ODR4: variants seen among roughly 807,000 people sequenced by gnomAD.
ODR4 encodes the protein odr-4 GPCR localization factor homolog.
A neutral mutation model predicts 60.2 loss-of-function variants in ODR4; 47 were observed. The observed-to-expected ratio is 0.78, with a 90% CI of 0.62 to 1.00. The LOEUF is 1.00. ODR4 is among the 50% of genes least tolerant of loss of function. The pLI, the probability that ODR4 is intolerant of heterozygous loss-of-function variation, is 0.00. For synonymous variants in ODR4, 178 were observed against 175.5 expected (o/e 1.01, Z -0.11); for missense variants, 488 against 530.8 (o/e 0.92, Z 0.79).
At chr1:186,377,163 A>G (rs1328737217) in intron 1 of ODR4, among the ~76,000 whole-genome samples, 3 of 152,200 alleles carry the variant, frequency 2.0e-5, no homozygotes, top group Admixed American at 6.5e-5. Flanking sequence ...TGTAAATGCT[A>G]TAGTTGTTAT....
chr1:186,376,984 AG>A (rs1659800257), intron 1 of ODR4, among the ~76,000 whole-genome samples: 1 of 152,196 alleles, frequency 6.6e-6, no homozygotes, highest in African/African-American at 2.4e-5. Flanking sequence ...TGACCCTATA[AG>A]GCAAAATACA....
chr1:186,433,828 C>A, the ODR4 span, among the ~76,000 whole-genome samples: 1 of 152,164 alleles, frequency 6.6e-6, no homozygotes. Flanking sequence ...ATCCACCCAC[C>A]TCGGCCTCCC....
intron 5 of ODR4, among the ~76,000 whole-genome samples, chr1:186,389,182 G>A (rs1025566165): frequency 1.3e-5 from 2 of 150,750 alleles, no homozygotes; most frequent in African/African-American, 4.9e-5. Flanking sequence ...AAAATCTTTA[G>A]TATTTAACTG....
chr1:186,381,610 A>G (rs1473583783), intron 2 of ODR4, among the ~76,000 whole-genome samples: 1 of 152,144 alleles, frequency 6.6e-6, no homozygotes, highest in Non-Finnish European at 1.5e-5. Context: ...TACAGGCGTG[A>G]GCCACCGCGC....
the ODR4 span, among the ~76,000 whole-genome samples, chr1:186,429,797 C>A: frequency 6.6e-6 from 1 of 151,932 alleles, no homozygotes. Flanking sequence ...ATAATAAATA[C>A]CTGGTAAGTT....
rs544254438 is a variant in ODR4 at position 186,420,568 on chromosome 1, A to C, written c.*1492A>C. 60 of 152,344 alleles carry C rather than the reference A, an allele frequency of 3.9e-4. No individual in the cohort carries two copies. Among genetic ancestry groups the C allele is most frequent in the African/African-American group, 1.3e-3 (55 of 41,586 alleles). The allele number at this position is 152,344 out of a possible 1,614,324, so 9.4% of individuals were successfully genotyped here. A position where few individuals can be genotyped will look rare whatever the true frequency, so the allele number is the denominator to read the frequency against. Reference sequence around the variant, plus strand: ...GAAGTTGGAACCACAGGCAGATCTGAAAAAGAACCAAATAGAGCTCCTAAA... The same window carrying C: ...GAAGTTGGAACCACAGGCAGATCTGCAAAAGAACCAAATAGAGCTCCTAAA... On this transcript the variant is annotated 3_prime_UTR_variant, in exon 14 of 14. Coordinates refer to ENST00000287859, the MANE Select transcript of ODR4 (RefSeq NM_017847.6).
chr1:186,413,328 T>G (rs10911858), intron 12 of ODR4, among the ~76,000 whole-genome samples: 43,832 of 151,900 alleles, frequency 0.29, 6,881 homozygotes, highest in Admixed American at 0.38. Context: ...ACTTGTATGA[T>G]TTACCTGATT....
chr1:186,406,092 AAG>A lies in ODR4; in HGVS notation c.1013_1014del (p.Glu338ValfsTer21). The A allele has an allele frequency of 6.4e-7, 1 of 1,558,652 alleles. No homozygotes were observed. Among genetic ancestry groups the A allele is most frequent in the Non-Finnish European group, 8.7e-7 (1 of 1,154,332 alleles). On this transcript the variant is annotated frameshift_variant, in exon 12 of 14. Transcript: ENST00000287859. LOFTEE classifies it high-confidence loss of function. ...TTTCTTTTCCTTTTAGATTCTGAAAAAGAGTTCCACGTCCTCCCTTATCGAGT... is the reference window on the plus strand; with the variant it reads ...TTTCTTTTCCTTTTAGATTCTGAAAAAGTTCCACGTCCTCCCTTATCGAGT...
intron 12 of ODR4, among the ~76,000 whole-genome samples, chr1:186,412,356 G>A (rs1483933248): frequency 2.0e-5 from 3 of 152,134 alleles, no homozygotes; most frequent in East Asian, 3.9e-4. Context: ...TTCAGGGAAA[G>A]CTTAGAGCAG....
At chr1:186,378,843 C>T (rs72713760) in intron 1 of ODR4, among the ~76,000 whole-genome samples, 19,350 of 152,124 alleles carry the variant, frequency 0.13, 1,554 homozygotes, top group Non-Finnish European at 0.18. Flanking sequence ...TACAATAATG[C>T]GTTGTACAAA....
chr1:186,389,606 T>G lies in ODR4; in HGVS notation c.456T>G (p.Tyr152Ter). The G allele has an allele frequency of 6.5e-7, 1 of 1,539,716 alleles. No homozygotes were observed. Among genetic ancestry groups the G allele is most frequent in the Non-Finnish European group, 8.8e-7 (1 of 1,134,072 alleles). ...AGTGAAGAATATTTTGTCGAACTTATGATATCCATGATCCAAAGGTAAGAA... is the reference window on the plus strand; with the variant it reads ...AGTGAAGAATATTTTGTCGAACTTAGGATATCCATGATCCAAAGGTAAGAA... ...ASTKKIFCRT[Y>*]DIHDPKSSAR... The change falls in exon 6 of 14, where the codon TAT becomes TAG. Residue 152 changes from tyrosine (Y) to a stop codon, truncating the protein, a stop_gained. Coordinates refer to ENST00000287859, the MANE Select transcript of ODR4 (RefSeq NM_017847.6). LOFTEE classifies it high-confidence loss of function.
chr1:186,403,575 A>G (rs1224183937), intron 11 of ODR4, among the ~76,000 whole-genome samples: 5 of 152,100 alleles, frequency 3.3e-5, no homozygotes, highest in Non-Finnish European at 7.4e-5. Context: ...TCTGTTAAGG[A>G]CATAATAACT....
At chr1:186,387,705 C>T (rs1331463762) in intron 4 of ODR4, among the ~76,000 whole-genome samples, 2 of 152,082 alleles carry the variant, frequency 1.3e-5, no homozygotes, top group African/African-American at 4.8e-5. Flanking sequence ...GAAGGTTGTG[C>T]CTCCTCTGAT....
Position 186,417,602 on chromosome 1 carries a change from A to G in ODR4, c.1245A>G (p.Gln415=). ...QASLDNTDDE[Q]PKQPIKTTML... is the part of the protein sequence containing the mutation. The stretch of plus-strand genomic sequence containing the variant: ...CATTGGACAACACAGATGATGAACA[A>G]CCAAAACAACCAATTAAAACTACAA... Residue 415 remains glutamine, a synonymous_variant, in exon 13 of 14, where the codon CAA becomes CAG. Coordinates refer to ENST00000287859, the MANE Select transcript of ODR4 (RefSeq NM_017847.6). The G allele has an allele frequency of 6.2e-7, 1 of 1,603,520 alleles. No homozygotes were observed. Among genetic ancestry groups the G allele is most frequent in the African/African-American group, 1.3e-5 (1 of 74,886 alleles).
intron 12 of ODR4, among the ~76,000 whole-genome samples, chr1:186,411,357 T>C (rs1257944325): frequency 6.6e-6 from 1 of 152,220 alleles, no homozygotes; most frequent in African/African-American, 2.4e-5. Flanking sequence ...ACCAGTTTTA[T>C]AAATTGATGC....
At position 186,389,806 on chromosome 1, in the gene ODR4, G is replaced by A. The variant is rs535881731; in HGVS notation, c.474+182G>A. ...ACAGATAAGGAAAACTTTTTTGTGCGTGACAGGGTCTCACTCTCTTGCCCA... is the reference window on the plus strand; with the variant it reads ...ACAGATAAGGAAAACTTTTTTGTGCATGACAGGGTCTCACTCTCTTGCCCA... On this transcript the variant is annotated intron_variant, in intron 6 of 13. Coordinates refer to ENST00000287859, the MANE Select transcript of ODR4 (RefSeq NM_017847.6). Among the ~76,000 whole-genome samples, 14 of 152,096 alleles carry A rather than the reference G, an allele frequency of 9.2e-5. No homozygotes were observed. The South Asian group carries it at 1.7e-3, about 18-fold the overall frequency.
At chr1:186,423,489 C>G (rs1001027726), downstream of ODR4, among the ~76,000 whole-genome samples, 1 of 118,910 alleles carries the variant, frequency 8.4e-6, no homozygotes, top group Non-Finnish European at 1.6e-5. Flanking sequence ...GAGTCTCGCT[C>G]TGTCACCCAG....
At position 186,386,019 on chromosome 1, in the gene ODR4, T is replaced by C. The variant is rs1446876947; in HGVS notation, c.266T>C (p.Val89Ala). ...VSRMLPGGLL[V>A]LGVFIITTLE... Reference sequence around the variant, plus strand: ...AGAATGCTACCAGGGGGACTTTTAGTTCTTGGAGTATTTATTATTACTACT... The same window carrying C: ...AGAATGCTACCAGGGGGACTTTTAGCTCTTGGAGTATTTATTATTACTACT... Residue 89 changes from valine to alanine, a missense_variant, in exon 4 of 14, where the codon GTT (valine) becomes GCT (alanine). Physicochemically the swap from Val to Ala is moderately conservative, Grantham distance 64. Transcript: ENST00000287859. 6.2e-7 allele frequency: 1 copy of C among 1,605,536 alleles called. No homozygotes were observed. Among genetic ancestry groups the C allele is most frequent in the Non-Finnish European group, 8.5e-7 (1 of 1,174,590 alleles).
downstream of ODR4, among the ~76,000 whole-genome samples, chr1:186,422,183 A>C (rs72713776): frequency 0.14 from 21,249 of 152,072 alleles, 1,671 homozygotes; most frequent in Non-Finnish European, 0.17. Context: ...AAATACTAAA[A>C]ACTTGTGTAG....
Sources: gnomAD v4.1 joint callset for allele counts (sites outside exome capture counted in the v4.1 genomes callset) on GRCh38, gnomAD v4.1.1 for gene constraint, MANE v1.5 for transcripts, NCBI Gene and HGNC (gene_info 2026-07-23, HGNC 2026-07-21) for gene names.